Variants in MACROD2 observed in about 807,000 individuals in gnomAD.
The protein encoded by MACROD2 is ADP-ribose glycohydrolase MACROD2.
In MACROD2, 36 loss-of-function variants were observed where a neutral mutation model predicts 70.4. The observed-to-expected ratio is 0.51, with a 90% CI of 0.39 to 0.68. The LOEUF (loss-of-function observed/expected upper bound fraction) is 0.68, where lower values mean the gene tolerates loss of function less well. Among genes scored for constraint, MACROD2 ranks in the 30% least tolerant of loss-of-function variants. MACROD2 has a pLI of 0.00. For synonymous variants in MACROD2, 172 were observed against 178.8 expected (o/e 0.96, Z 0.30); for missense variants, 496 against 538.4 (o/e 0.92, Z 0.78).
intron 5 of MACROD2, among the ~76,000 whole-genome samples, chr20:15,119,787 C>A (rs2076017485): frequency 6.6e-6 from 1 of 152,158 alleles, no homozygotes; most frequent in African/African-American, 2.4e-5. Flanking sequence ...TTTTGAAGTA[C>A]TTTTATACAA....
At chr20:14,118,790 T>C (rs1431836778) in intron 3 of MACROD2, among the ~76,000 whole-genome samples, 1 of 152,062 alleles carries the variant, frequency 6.6e-6, no homozygotes, top group African/African-American at 2.4e-5. Flanking sequence ...CTTCCATTAG[T>C]TCAGTATTGA....
rs191961741 is a variant in MACROD2, at chr20:15,188,329, T to C, written c.419-41611T>C. Among the ~76,000 whole-genome samples, 850 of 152,308 alleles carry C rather than the reference T, an allele frequency of 5.6e-3. 6 individuals are homozygous for C. Among genetic ancestry groups the C allele is most frequent in the Non-Finnish European group, 5.7e-3 (389 of 68,032 alleles). On this transcript the variant is annotated intron_variant, in intron 5 of 17. Coordinates refer to ENST00000684519, the MANE Select transcript of MACROD2 (RefSeq NM_001351661.2). ...GCAGATCAAAATAGAAAATACCTACTTTGTGCTCAAATAACAATAAAATAT... is the reference window on the plus strand; with the variant it reads ...GCAGATCAAAATAGAAAATACCTACCTTGTGCTCAAATAACAATAAAATAT...
intron 5 of MACROD2, among the ~76,000 whole-genome samples, chr20:14,944,745 T>C (rs1051485124): frequency 2.0e-5 from 3 of 152,130 alleles, no homozygotes; most frequent in Non-Finnish European, 4.4e-5. Context: ...CAGACAGTAA[T>C]CACTGGTGGG....
chr20:15,666,421 A>G (rs1403919915), intron 8 of MACROD2, among the ~76,000 whole-genome samples: 3 of 152,028 alleles, frequency 2.0e-5, no homozygotes, highest in Admixed American at 6.5e-5. Flanking sequence ...ACACATGATT[A>G]TTGTCAGGAT....
chr20:15,269,440 T>G (rs948125162), intron 6 of MACROD2, among the ~76,000 whole-genome samples: 27 of 152,360 alleles, frequency 1.8e-4, no homozygotes, highest in African/African-American at 6.3e-4. Context: ...TGCAGCTGAT[T>G]ATGTCTTGTC....
At chr20:14,996,577 A>G (rs919179347) in intron 5 of MACROD2, among the ~76,000 whole-genome samples, 1 of 152,174 alleles carries the variant, frequency 6.6e-6, no homozygotes, top group African/African-American at 2.4e-5. Flanking sequence ...TGGTTTTAAC[A>G]TCATATCAAG....
intron 3 of MACROD2, among the ~76,000 whole-genome samples, chr20:14,234,925 A>G (rs931591467): frequency 2.0e-5 from 3 of 152,220 alleles, no homozygotes; most frequent in Non-Finnish European, 4.4e-5. Context: ...TTAGTGCATC[A>G]TTAATGAACC....
chr20:14,981,242 A>G (rs1430673707), intron 5 of MACROD2, among the ~76,000 whole-genome samples: 1 of 152,040 alleles, frequency 6.6e-6, no homozygotes, highest in Non-Finnish European at 1.5e-5. Context: ...GCAATATTAA[A>G]CAAACCCTTG....
rs73900894 is a variant in MACROD2 at position 15,961,850 on chromosome 20, C to G, written c.908-5703C>G. Reference sequence around the variant, plus strand: ...TTATTTTTTAATGTTATCAAGAGAGCCTGTGGTGTGAGGCTTAGTAAGAGA... The same window carrying G: ...TTATTTTTTAATGTTATCAAGAGAGGCTGTGGTGTGAGGCTTAGTAAGAGA... On this transcript the variant is annotated intron_variant, in intron 12 of 17. Coordinates refer to ENST00000684519, the MANE Select transcript of MACROD2 (RefSeq NM_001351661.2). Among the ~76,000 whole-genome samples the G allele has an allele frequency of 9.1e-3, 1,391 of 152,204 alleles. 13 individuals carry two copies. Among genetic ancestry groups the G allele is most frequent in the African/African-American group, 0.027 (1,112 of 41,518 alleles).
intron 3 of MACROD2, among the ~76,000 whole-genome samples, chr20:14,095,509 T>C (rs1469083903): frequency 6.6e-6 from 1 of 152,214 alleles, no homozygotes; most frequent in Non-Finnish European, 1.5e-5. Flanking sequence ...AGAGGTTAAG[T>C]GATTCACCTC....
At chr20:15,344,940 G>A (rs1043968521) in intron 6 of MACROD2, among the ~76,000 whole-genome samples, 2 of 152,156 alleles carry the variant, frequency 1.3e-5, no homozygotes, top group Non-Finnish European at 2.9e-5. Context: ...CAACAGAAAT[G>A]TATTCATCAC....
intron 8 of MACROD2, among the ~76,000 whole-genome samples, chr20:15,678,383 G>A (rs1272660686): frequency 1.3e-5 from 2 of 149,576 alleles, no homozygotes; most frequent in African/African-American, 4.9e-5. Flanking sequence ...TTTTTGAGAC[G>A]GAGTCTCGCT....
chr20:14,990,058 C>A (rs781312381), intron 5 of MACROD2, among the ~76,000 whole-genome samples: 2 of 151,934 alleles, frequency 1.3e-5, no homozygotes, highest in African/African-American at 4.8e-5. Flanking sequence ...TACAAGTAGC[C>A]GGCAGCTTAA....
chr20:14,519,365 T>C (rs188494179), intron 4 of MACROD2, among the ~76,000 whole-genome samples: 14 of 152,200 alleles, frequency 9.2e-5, no homozygotes, highest in Admixed American at 7.2e-4. Flanking sequence ...GTAGGGTTTT[T>C]AGAACCTAGA....
chr20:14,641,975 C>G (rs1362324017), intron 4 of MACROD2, among the ~76,000 whole-genome samples: 1 of 152,190 alleles, frequency 6.6e-6, no homozygotes, highest in Admixed American at 6.5e-5. Flanking sequence ...GACTTCTTCC[C>G]TCTACCTATG....
intron 4 of MACROD2, among the ~76,000 whole-genome samples, chr20:14,528,449 T>C (rs1038981797): frequency 6.6e-6 from 1 of 151,948 alleles, no homozygotes; most frequent in African/African-American, 2.4e-5. Flanking sequence ...CCACCGTGCC[T>C]GGACTGAAGT....
chr20:14,365,930 G>T (rs1471564927), intron 3 of MACROD2, among the ~76,000 whole-genome samples: 1 of 151,952 alleles, frequency 6.6e-6, no homozygotes, highest in Non-Finnish European at 1.5e-5. Context: ...TTCTGTTATT[G>T]ATCTCTAGCT....
At chr20:14,442,491 C>T (rs1349845067) in intron 3 of MACROD2, among the ~76,000 whole-genome samples, 1 of 151,950 alleles carries the variant, frequency 6.6e-6, no homozygotes, top group Non-Finnish European at 1.5e-5. Flanking sequence ...ATTTTGATGC[C>T]AAAGTGAAAA....
intron 7 of MACROD2, among the ~76,000 whole-genome samples, chr20:15,490,480 A>G (rs1355647650): frequency 1.3e-5 from 2 of 151,958 alleles, no homozygotes; most frequent in Non-Finnish European, 2.9e-5. Context: ...AGACTGGTCT[A>G]GAACTCCTTG....
Sources: gnomAD v4.1 joint callset for allele counts (sites outside exome capture counted in the v4.1 genomes callset) on GRCh38, gnomAD v4.1.1 for gene constraint, MANE v1.5 for transcripts, NCBI Gene and HGNC (gene_info 2026-07-23, HGNC 2026-07-21) for gene names.